SHROOM4: variants seen among roughly 807,000 people sequenced by gnomAD.
SHROOM4 encodes the protein protein Shroom4.
Under a neutral mutation model 80.3 loss-of-function variants are expected in SHROOM4, and 17 were observed. That is an observed-to-expected ratio of 0.21 (90% CI 0.14 to 0.32). SHROOM4 has a LOEUF of 0.32. Among genes scored for constraint, SHROOM4 ranks in the 10% least tolerant of loss-of-function variants. The probability of loss-of-function intolerance (pLI) is 1.00; values close to 1 mark genes in which losing one functional copy is unlikely to be tolerated. For missense variants in SHROOM4, 993 were observed against 1,140.3 expected (o/e 0.87, Z 1.86); for synonymous variants, 400 against 437.5 (o/e 0.91, Z 1.07).
At chrX:50,792,824 G>A (rs781949346) in intron 1 of SHROOM4, among the ~76,000 whole-genome samples, 3 of 105,649 alleles carry the variant, frequency 2.8e-5, no homozygotes, top group African/African-American at 1.0e-4. Context: ...TGTTGGATAC[G>A]GAGAAACTGG....
chrX:50,735,636 T>C (rs1440372106), intron 1 of SHROOM4, among the ~76,000 whole-genome samples: 2 of 109,181 alleles, frequency 1.8e-5, no homozygotes, highest in African/African-American at 6.7e-5. Context: ...AACAAGTCAA[T>C]GAAAAAAAAA....
At chrX:50,577,600 G>T in the SHROOM4 span, among the ~76,000 whole-genome samples, 128 of 112,280 alleles carry the variant, frequency 1.1e-3, no homozygotes, top group Non-Finnish European at 3.8e-4. Context: ...ATAGAGGGTA[G>T]TTGGAAGCAG....
intron 1 of SHROOM4, among the ~76,000 whole-genome samples, chrX:50,756,576 G>A (rs1602490992): frequency 8.9e-6 from 1 of 112,280 alleles, no homozygotes; most frequent in South Asian, 3.7e-4. Context: ...CTGCTAAACT[G>A]TTTTCCAAAG....
At chrX:50,598,937 C>T (rs148628813) in intron 7 of SHROOM4, among the ~76,000 whole-genome samples, 1 of 110,689 alleles carries the variant, frequency 9.0e-6, no homozygotes, top group African/African-American at 3.3e-5. Flanking sequence ...GCGAGTCTTG[C>T]GTCTCGGCCT....
At chrX:50,660,507 C>CTTCT (rs1557259850) in intron 2 of SHROOM4, among the ~76,000 whole-genome samples, 1 of 88,923 alleles carries the variant, frequency 1.1e-5, no homozygotes, top group African/African-American at 5.3e-5. Context: ...AAGTGTTGAG[C>CTTCT]TTCTCTCTCT....
chrX:50,610,878 TATAG>T, intron 5 of SHROOM4, among the ~76,000 whole-genome samples: 1 of 111,639 alleles, frequency 9.0e-6, no homozygotes, highest in Non-Finnish European at 1.9e-5. Context: ...AAGCAAAATC[TATAG>T]CAAATGCAAA....
chrX:50,644,595 G>A (rs781934254), intron 2 of SHROOM4, among the ~76,000 whole-genome samples: 4 of 112,409 alleles, frequency 3.6e-5, no homozygotes, highest in Non-Finnish European at 7.5e-5. Flanking sequence ...CCCTACTCCA[G>A]TTTCCCTTGG....
chrX:50,634,018 T>C lies in SHROOM4; in HGVS notation c.2055A>G (p.Ile685Met), dbSNP rs782020639. The C allele has an allele frequency of 3.4e-5, 41 of 1,210,083 alleles. No individual in the cohort carries two copies. The highest frequency in any genetic ancestry group is 4.5e-5 in the Non-Finnish European group (40 of 895,122). ...ACTGGCCAGGCCTCTGGCCAGGGCT[T>C]ATTCGTCCCTCTAAGCCTGTCCTAG... ...HESRTGLEGR[I>M]SPGQRPGQSS... The change falls in exon 4 of 9, where the codon ATA becomes ATG. Residue 685 changes from isoleucine (I) to methionine (M), a missense_variant. Ile to Met is a conservative substitution (Grantham distance 10). Coordinates refer to ENST00000376020, the MANE Select transcript of SHROOM4 (RefSeq NM_020717.5).
intron 1 of SHROOM4, among the ~76,000 whole-genome samples, chrX:50,764,931 C>T (rs782526773): frequency 2.7e-5 from 3 of 111,818 alleles, no homozygotes; most frequent in Admixed American, 9.5e-5. Context: ...TGGCAGAAGG[C>T]GAAGGAGAAG....
chrX:50,663,591 T>C (rs1197202729), intron 2 of SHROOM4, among the ~76,000 whole-genome samples: 1 of 110,306 alleles, frequency 9.1e-6, no homozygotes, highest in African/African-American at 3.3e-5. Context: ...CTTCTATAGA[T>C]TGTTCACATT....
chrX:50,735,844 A>G (rs2147555584), intron 1 of SHROOM4, among the ~76,000 whole-genome samples: 1 of 110,190 alleles, frequency 9.1e-6, no homozygotes, highest in East Asian at 2.9e-4. Context: ...TGTCTCCACT[A>G]AAAAATACAA....
chrX:50,634,588 G>A lies in SHROOM4; in HGVS notation c.1485C>T (p.Pro495=), dbSNP rs1458684187. The change falls in exon 4 of 9, where the codon CCC becomes CCT. Residue 495 remains proline (P), a synonymous_variant. Coordinates refer to ENST00000376020, the MANE Select transcript of SHROOM4 (RefSeq NM_020717.5). ...GGTGTCCATCAGCCTCTCCATGTGGGGGACTGCTTTGGCTCTGGTGTCCCA... is the reference window on the plus strand; with the variant it reads ...GGTGTCCATCAGCCTCTCCATGTGGAGGACTGCTTTGGCTCTGGTGTCCCA... ...LVLGHQSQSS[P]PHGEADGHPS... 2.5e-6 allele frequency: 3 copies of A among 1,209,914 alleles called. No homozygotes were observed. Among genetic ancestry groups the A allele is most frequent in the Non-Finnish European group, 3.4e-6 (3 of 895,263 alleles).
At chrX:50,623,990 T>C (rs1203599761) in intron 5 of SHROOM4, among the ~76,000 whole-genome samples, 1 of 110,906 alleles carries the variant, frequency 9.0e-6, no homozygotes, top group Non-Finnish European at 1.9e-5. Context: ...AGTAGATTAG[T>C]GGTTGCTTAA....
In SHROOM4 at chrX:50,587,623, T is replaced by C. The variant is rs1928785269; in HGVS notation, c.*9072A>G. Among the ~76,000 whole-genome samples, 1 of 112,353 alleles carries C rather than the reference T, an allele frequency of 8.9e-6. No individual in the cohort carries two copies. The highest frequency in any genetic ancestry group is 1.9e-5 in the Non-Finnish European group (1 of 53,233). ...ATATTTCTGTATATAAAGTATTATG[T>C]AATTGTATATTTATACTTATCTATC... On this transcript the variant is annotated 3_prime_UTR_variant, in exon 9 of 9. Coordinates refer to ENST00000376020, the MANE Select transcript of SHROOM4 (RefSeq NM_020717.5).
intron 1 of SHROOM4, among the ~76,000 whole-genome samples, chrX:50,809,382 T>C (rs1331328659): frequency 8.9e-6 from 1 of 112,515 alleles, no homozygotes; most frequent in Non-Finnish European, 1.9e-5. Flanking sequence ...CTCTGTGTGC[T>C]TCTAGAAATA....
intron 1 of SHROOM4, among the ~76,000 whole-genome samples, chrX:50,766,241 C>A (rs1935272296): frequency 9.0e-6 from 1 of 111,197 alleles, no homozygotes; most frequent in South Asian, 3.8e-4. Flanking sequence ...TTTAATGATA[C>A]CTATCATAGT....
chrX:50,614,827 T>G (rs1930153237), intron 5 of SHROOM4, among the ~76,000 whole-genome samples: 1 of 112,330 alleles, frequency 8.9e-6, no homozygotes, highest in South Asian at 3.7e-4. Context: ...TAAATGTCCT[T>G]CAATAGGGAC....
intron 1 of SHROOM4, among the ~76,000 whole-genome samples, chrX:50,697,594 T>G (rs1933405195): frequency 8.9e-6 from 1 of 112,071 alleles, no homozygotes; most frequent in Non-Finnish European, 1.9e-5. Context: ...TTTAAAAAAA[T>G]TAACCTTTGT....
intron 1 of SHROOM4, among the ~76,000 whole-genome samples, chrX:50,792,508 GA>G (rs781965123): frequency 7.4e-4 from 70 of 94,389 alleles, no homozygotes; most frequent in African/African-American, 9.7e-4. Context: ...TCTCTCTCAG[GA>G]AAAAAAAAAA....
Sources: gnomAD v4.1 joint callset for allele counts (sites outside exome capture counted in the v4.1 genomes callset) on GRCh38, gnomAD v4.1.1 for gene constraint, MANE v1.5 for transcripts, NCBI Gene and HGNC (gene_info 2026-07-23, HGNC 2026-07-21) for gene names.